The following MLC1 variants were observed in gnomAD, a reference collection of about 807,000 sequenced individuals.
MLC1 encodes modulator of VRAC current 1.
A neutral mutation model predicts 44.7 loss-of-function variants in MLC1; 32 were observed. The ratio of observed to expected loss-of-function variants is 0.72; its 90% CI spans 0.54 to 0.96. MLC1 has a LOEUF of 0.96. Ranked by LOEUF, MLC1 falls within the 40% of genes least tolerant of loss-of-function variation. The probability of loss-of-function intolerance (pLI) is 0.00; values close to 1 mark genes in which losing one functional copy is unlikely to be tolerated. For missense variants in MLC1, 459 were observed against 492.2 expected (o/e 0.93, Z 0.64); for synonymous variants, 190 against 213.0 (o/e 0.89, Z 0.94).
chr22:50,080,591 G>A (rs964308674), intron 3 of MLC1, among the ~76,000 whole-genome samples, 194 bp from the exon 4 acceptor site: 1 of 152,040 alleles, frequency 6.6e-6, no homozygotes, highest in Non-Finnish European at 1.5e-5. Flanking sequence ...TTCTTGAGAT[G>A]GGGTCTCACT....
At chr22:50,077,949 A>G (rs766839224) in intron 5 of MLC1, among the ~76,000 whole-genome samples, 2 of 152,116 alleles carry the variant, frequency 1.3e-5, no homozygotes, top group Non-Finnish European at 2.9e-5. Context: ...GTTAATATTC[A>G]TAGAAGCATA....
At chr22:50,071,684 G>A (rs908363068) in intron 8 of MLC1, among the ~76,000 whole-genome samples, 6 of 152,168 alleles carry the variant, frequency 3.9e-5, no homozygotes, top group African/African-American at 1.2e-4. Flanking sequence ...ACTGGGTTAG[G>A]GGGATCTGTA....
intron 10 of MLC1, among the ~76,000 whole-genome samples, chr22:50,065,069 T>C (rs1296169037): frequency 6.6e-6 from 1 of 152,198 alleles, no homozygotes; most frequent in East Asian, 1.9e-4. Flanking sequence ...GGATTACAGG[T>C]ACCCGCCACC....
intron 8 of MLC1, among the ~76,000 whole-genome samples, chr22:50,073,901 AT>A (rs1455095479): frequency 6.6e-6 from 1 of 152,210 alleles, no homozygotes; most frequent in Non-Finnish European, 1.5e-5. Flanking sequence ...TGCATTATAT[AT>A]TAGAAAATTA....
At chr22:50,070,616 G>A (rs1471672040) in intron 8 of MLC1, 33 bp from the exon 9 acceptor site, 1 of 1,544,982 alleles carries the variant, frequency 6.5e-7, no homozygotes, top group Non-Finnish European at 8.8e-7. Context: ...GATTTTAGAG[G>A]AAATAGTCGA....
Position 50,074,522 on chromosome 22 carries a change from G to T in MLC1, c.598-190C>A, listed in dbSNP as rs1047496669. 20 of 627,540 alleles carry T rather than the reference G, an allele frequency of 3.2e-5. No homozygotes were observed. The Admixed American group carries it at 3.9e-4, about 12-fold the overall frequency. 38.9% of individuals were successfully genotyped at this position (627,540 alleles called of 1,614,324 possible). ...CAGACCCCCTCTGCCCTCAGCTGCG[G>T]CTTTTCACGTCCCTCCTGGAGTAAA... On this transcript the variant is annotated intron_variant, in intron 7 of 11. Coordinates refer to ENST00000311597, the MANE Select transcript of MLC1 (RefSeq NM_015166.4).
At chr22:50,067,390 A>ACAGTGACTCCATCCCCCGTCAGG (rs1384637583) in intron 10 of MLC1, among the ~76,000 whole-genome samples, 219 of 81,246 alleles carry the variant, frequency 2.7e-3, no homozygotes, top group Non-Finnish European at 3.7e-3. Context: ...CCCCCGTCAG[A>ACAGTGACTCCATCCCCCGTCAGG]CAGTGACTCC....
At chr22:50,073,559 G>C (rs6010257) in intron 8 of MLC1, among the ~76,000 whole-genome samples, 94,763 of 151,942 alleles carry the variant, frequency 0.62, 30,238 homozygotes, top group African/African-American at 0.73. Context: ...GGCAAAACCC[G>C]GTCTCTACTA....
chr22:50,068,754 G>A (rs751170794), intron 9 of MLC1, among the ~76,000 whole-genome samples, 199 bp from the exon 10 acceptor site: 2 of 119,470 alleles, frequency 1.7e-5, no homozygotes, highest in Non-Finnish European at 3.3e-5. Context: ...TTTGAGACAA[G>A]TCTCGCTGTG....
chr22:50,077,327 C>T, intron 6 of MLC1, 74 bp downstream of exon 6: 2 of 1,359,536 alleles, frequency 1.5e-6, no homozygotes, highest in Non-Finnish European at 2.1e-6. Context: ...GAGGGTGACG[C>T]TGAGACCCAC....
intron 8 of MLC1, among the ~76,000 whole-genome samples, chr22:50,070,820 A>G (rs2061834135): frequency 6.6e-6 from 1 of 152,152 alleles, no homozygotes; most frequent in African/African-American, 2.4e-5. Context: ...CATTGGTTTA[A>G]AATTTTAAGC....
Position 50,083,271 on chromosome 22 carries a change from C to T in MLC1, c.178-98G>A, listed in dbSNP as rs576322717. 10 of 1,085,106 alleles carry T rather than the reference C, an allele frequency of 9.2e-6. No homozygotes were observed. In the Admixed American group the frequency reaches 9.3e-5, roughly 10 times the overall value. 67.2% of individuals were successfully genotyped at this position (1,085,106 alleles called of 1,614,324 possible). A position where few individuals can be genotyped will look rare whatever the true frequency, so the allele number is the denominator to read the frequency against. Reference sequence around the variant, plus strand: ...TGCTTCACTGTCTGTGTATTGGTGACTCACCCACGTCCCCCAGCATCAACC... The same window carrying T: ...TGCTTCACTGTCTGTGTATTGGTGATTCACCCACGTCCCCCAGCATCAACC... On this transcript the variant is annotated intron_variant, in intron 2 of 11. Coordinates refer to ENST00000311597, the MANE Select transcript of MLC1 (RefSeq NM_015166.4). The surrounding 1 kb of genome is among the most constrained non-coding windows in gnomAD (Gnocchi z 4.6).
At chr22:50,072,055 C>T (rs1238759866) in intron 8 of MLC1, among the ~76,000 whole-genome samples, 1 of 152,232 alleles carries the variant, frequency 6.6e-6, no homozygotes, top group Non-Finnish European at 1.5e-5. Flanking sequence ...GGTGTCAATA[C>T]AGGGGTCTCT....
intron 11 of MLC1, among the ~76,000 whole-genome samples, 191 bp from the exon 12 acceptor site, chr22:50,061,848 G>GA (rs1473437728): frequency 6.6e-6 from 1 of 152,146 alleles, no homozygotes; most frequent in Admixed American, 6.5e-5. Flanking sequence ...CAGTGTCCCA[G>GA]AAACGCCTGC....
At chr22:50,076,963 C>A (rs1240251841) in intron 6 of MLC1, 51 bp from the exon 7 acceptor site, 5 of 1,603,070 alleles carry the variant, frequency 3.1e-6, no homozygotes, top group Non-Finnish European at 4.3e-6. Flanking sequence ...AGGGACTCAG[C>A]ACTGCCGCTG....
rs896716998 is a variant in MLC1, at chr22:50,060,306, C to G, written c.*1277G>C. 4.6e-5 allele frequency: 7 copies of G among 152,410 alleles called. No individual in the cohort carries two copies. The highest frequency in any genetic ancestry group is 4.6e-4 in the Admixed American group (7 of 15,290). The allele number at this position is 152,410 out of a possible 1,614,324, so 9.4% of individuals were successfully genotyped here. ...TGGGAGGACCCAGGCGCCCTCGGGA[C>G]GAGGAGACGCAGGGAAACCCACTCC... On this transcript the variant is annotated 3_prime_UTR_variant, in exon 12 of 12. Transcript: ENST00000311597.
intron 8 of MLC1, among the ~76,000 whole-genome samples, 181 bp downstream of exon 8, chr22:50,074,035 A>C (rs2061920724): frequency 6.6e-6 from 1 of 152,256 alleles, no homozygotes; most frequent in Admixed American, 6.5e-5. Context: ...ATATAAAAGC[A>C]GTTAATACTT....
rs1012668878 is a variant in MLC1, at chr22:50,083,949, G to A, written c.178-776C>T. On this transcript the variant is annotated intron_variant, in intron 2 of 11. Transcript: ENST00000311597. The surrounding 1 kb of genome is among the most constrained non-coding windows in gnomAD (Gnocchi z 4.6). ...GGGAGCCGCCTCTGTCCCCAGCTCC[G>A]AGGCAGACGCCTGTCTTGGTGGGGC... Among the ~76,000 whole-genome samples the A allele has an allele frequency of 1.3e-5, 2 of 152,046 alleles. No homozygotes were observed. Among genetic ancestry groups the A allele is most frequent in the African/African-American group, 2.4e-5 (1 of 41,406 alleles).
chr22:50,076,497 G>A (rs531170269), intron 7 of MLC1, among the ~76,000 whole-genome samples: 1 of 152,142 alleles, frequency 6.6e-6, no homozygotes, highest in African/African-American at 2.4e-5. Flanking sequence ...AGAGGTGGCG[G>A]TGAGCTGAGA....
Sources: allele counts gnomAD v4.1 joint callset (sites outside exome capture counted in the v4.1 genomes callset), GRCh38; gene constraint gnomAD v4.1.1; non-coding constraint Gnocchi (gnomAD v3.1); transcripts MANE v1.5; gene names NCBI Gene and HGNC (gene_info 2026-07-23, HGNC 2026-07-21).